Variants in DNAJC21 observed in about 807,000 individuals in gnomAD.
The protein encoded by DNAJC21 is dnaJ homolog subfamily C member 21.
Under a neutral mutation model 72.4 loss-of-function variants are expected in DNAJC21, and 63 were observed. That is an observed-to-expected ratio of 0.87 (90% CI 0.71 to 1.07). The LOEUF (loss-of-function observed/expected upper bound fraction) is 1.07, where lower values mean the gene tolerates loss of function less well. Ranked by LOEUF, DNAJC21 falls within the 50% of genes least tolerant of loss-of-function variation. The pLI is 0.00. For missense variants in DNAJC21, 634 were observed against 644.8 expected, an observed-to-expected ratio of 0.98 and a Z score of 0.18; for synonymous variants, 203 against 216.7, an observed-to-expected ratio of 0.94 and a Z score of 0.56.
rs888250694 is a variant in DNAJC21 at position 34,936,242 on chromosome 5, A to G, written c.414A>G (p.Gly138=). 3.0e-5 allele frequency: 49 copies of G among 1,613,480 alleles called. No homozygotes were observed. Among genetic ancestry groups the G allele is most frequent in the Non-Finnish European group, 3.7e-5 (44 of 1,179,916 alleles). ...EEEVDDFPTF[G]DSQSDYDTVV... is the part of the protein sequence containing the mutation. ...AGGTTGATGATTTCCCAACTTTTGG[A>G]GACTCCCAGAGTGACTATGATACGG... Residue 138 remains glycine (G), a synonymous_variant, in exon 4 of 12, where the codon GGA becomes GGG. Transcript: ENST00000648817.
intron 7 of DNAJC21, among the ~76,000 whole-genome samples, chr5:34,941,918 A>G (rs973920005): frequency 1.3e-5 from 2 of 151,474 alleles, no homozygotes; most frequent in African/African-American, 4.9e-5. Flanking sequence ...TCTAAAAACA[A>G]TGTGCTTGTA....
intron 10 of DNAJC21, chr5:34,951,536 T>G (rs569696155): frequency 2.0e-6 from 2 of 985,032 alleles, no homozygotes; most frequent in South Asian, 9.4e-5. Context: ...TTCTTTTTTT[T>G]TTTTTTTTGG....
In DNAJC21 at chr5:34,937,460, T is replaced by A. The variant is rs200868877; in HGVS notation, c.573T>A (p.Ile191=). 1.1e-5 allele frequency: 17 copies of A among 1,614,004 alleles called. No individual in the cohort carries two copies. The highest frequency in any genetic ancestry group is 1.7e-5 in the Admixed American group (1 of 60,000). The change falls in exon 5 of 12, where the codon ATT becomes ATA. Residue 191 remains isoleucine, a synonymous_variant. Coordinates refer to ENST00000648817, the MANE Select transcript of DNAJC21 (RefSeq NM_001012339.3). ...CCATGGAAAAAGAAAACAAAAAGAT[T>A]CGGGACAAAGCAAGGAAAGAGAAGA... ...KRAMEKENKK[I]RDKARKEKNE...
At chr5:34,940,668 C>G (rs894241346) in intron 6 of DNAJC21, among the ~76,000 whole-genome samples, 1 of 150,912 alleles carries the variant, frequency 6.6e-6, no homozygotes, top group South Asian at 2.1e-4. Flanking sequence ...ATCCGTCTTA[C>G]AGTGATGGAA....
At chr5:34,931,200 G>C (rs1489733865) in intron 1 of DNAJC21, among the ~76,000 whole-genome samples, 1 of 152,136 alleles carries the variant, frequency 6.6e-6, no homozygotes, top group African/African-American at 2.4e-5. Flanking sequence ...AGAGATAGAG[G>C]TGTGGGTCTG....
chr5:34,951,847 T>C (rs1765377556), intron 10 of DNAJC21: 1 of 985,502 alleles, frequency 1.0e-6, no homozygotes, highest in Non-Finnish European at 1.2e-6. Flanking sequence ...TACATGAGAA[T>C]TGATCTGGGG....
intron 9 of DNAJC21, chr5:34,949,829 A>T (rs934259273): frequency 7.2e-7 from 1 of 1,396,618 alleles, no homozygotes; most frequent in African/African-American, 1.4e-5. Flanking sequence ...GAGATTACTT[A>T]ATAAAGAATT....
chr5:34,932,784 G>A (rs1764645511), intron 1 of DNAJC21, among the ~76,000 whole-genome samples: 1 of 152,236 alleles, frequency 6.6e-6, no homozygotes, highest in Non-Finnish European at 1.5e-5. Flanking sequence ...TCCATAGGCA[G>A]CCTGAGTTGC....
Position 34,957,301 on chromosome 5 carries a change from G to A in DNAJC21, c.*2587G>A, listed in dbSNP as rs563912046. On this transcript the variant is annotated 3_prime_UTR_variant, in exon 12 of 12. Coordinates refer to ENST00000648817, the MANE Select transcript of DNAJC21 (RefSeq NM_001012339.3). Reference sequence around the variant, plus strand: ...CAGATGTGGAGATTCATAGAATGAGGGTCCAGGAGAAGAAAGTTAGGGGAA... The same window carrying A: ...CAGATGTGGAGATTCATAGAATGAGAGTCCAGGAGAAGAAAGTTAGGGGAA... 1 of 152,128 alleles carries A rather than the reference G, an allele frequency of 6.6e-6. No homozygotes were observed. Among genetic ancestry groups the A allele is most frequent in the Non-Finnish European group, 1.5e-5 (1 of 68,046 alleles). 9.4% of individuals were successfully genotyped at this position (152,128 alleles called of 1,614,324 possible).
chr5:34,938,297 A>C (rs1470032104), intron 5 of DNAJC21, among the ~76,000 whole-genome samples: 1 of 152,200 alleles, frequency 6.6e-6, no homozygotes, highest in East Asian at 1.9e-4. Context: ...CTGAGGAAAC[A>C]AGGCTGACAG....
At chr5:34,939,727 G>GT (rs147718625) in intron 6 of DNAJC21, among the ~76,000 whole-genome samples, 4,927 of 147,376 alleles carry the variant, frequency 0.033, 93 homozygotes, top group Middle Eastern at 0.07. Context: ...CCAAAATGTT[G>GT]TTTTTTTTTT....
chr5:34,935,752 T>C lies in DNAJC21; in HGVS notation c.234T>C (p.Asp78=). ...AGGCCCTACTTAAAGGTGGGTTTGA[T>C]GGCGAATATCAAGATGACAGCTTAG... ...HREALLKGGF[D]GEYQDDSLDL... is the part of the protein sequence containing the mutation. Residue 78 remains aspartate (D), a synonymous_variant, in exon 3 of 12, where the codon GAT becomes GAC. Transcript: ENST00000648817. 2.5e-6 allele frequency: 4 copies of C among 1,614,050 alleles called. No individual in the cohort carries two copies. The highest frequency in any genetic ancestry group is 3.4e-6 in the Non-Finnish European group (4 of 1,179,964).
At chr5:34,930,181 T>G in intron 1 of DNAJC21, 3 of 253,634 alleles carry the variant, frequency 1.2e-5, no homozygotes, top group East Asian at 6.9e-5. Context: ...AAAACTGCAG[T>G]CCAACAACCT....
At chr5:34,949,767 C>T (rs1765298287) in intron 9 of DNAJC21, 1 of 1,553,040 alleles carries the variant, frequency 6.4e-7, no homozygotes. Context: ...AATAGTTGCT[C>T]ATTGCTTATC....
intron 10 of DNAJC21, chr5:34,951,601 C>T: frequency 1.0e-6 from 1 of 965,930 alleles, no homozygotes; most frequent in Non-Finnish European, 1.2e-6. Flanking sequence ...AACCTCGGCT[C>T]ACTGCAACCT....
At chr5:34,951,771 G>T (rs1042665648) in intron 10 of DNAJC21, 4 of 978,952 alleles carry the variant, frequency 4.1e-6, no homozygotes, top group South Asian at 9.5e-5. Flanking sequence ...TGATCTGCCC[G>T]CCTTGGCCTA....
rs148089128 is a variant in DNAJC21 at position 34,930,188 on chromosome 5, A to G, written c.97+272A>G. On this transcript the variant is annotated intron_variant, in intron 1 of 11. Transcript: ENST00000648817. Reference sequence around the variant, plus strand: ...GTAGGGGGAAAACTGCAGTCCAACAACCTCACTTGCTCCCGCTACCGGGTC... The same window carrying G: ...GTAGGGGGAAAACTGCAGTCCAACAGCCTCACTTGCTCCCGCTACCGGGTC... 1.3e-3 allele frequency: 318 copies of G among 239,384 alleles called. 2 individuals are homozygous for G. The highest frequency in any genetic ancestry group is 6.9e-3 in the African/African-American group (304 of 43,760). The allele number at this position is 239,384 out of a possible 1,614,324, so 14.8% of individuals were successfully genotyped here. A position where few individuals can be genotyped will look rare whatever the true frequency, so the allele number is the denominator to read the frequency against.
chr5:34,954,432 C>T, intron 11 of DNAJC21, 121 bp from the exon 12 acceptor site: 2 of 1,196,182 alleles, frequency 1.7e-6, no homozygotes, highest in South Asian at 1.7e-5. Context: ...TATTACCTGT[C>T]CACTCTGTTA....
At chr5:34,931,138 A>T (rs1224780445) in intron 1 of DNAJC21, among the ~76,000 whole-genome samples, 1 of 152,172 alleles carries the variant, frequency 6.6e-6, no homozygotes, top group African/African-American at 2.4e-5. Flanking sequence ...GAGGAGTGGA[A>T]GGAAAGGTCA....
Sources: allele counts gnomAD v4.1 joint callset (sites outside exome capture counted in the v4.1 genomes callset), GRCh38; gene constraint gnomAD v4.1.1; transcripts MANE v1.5; gene names NCBI Gene and HGNC (gene_info 2026-07-23, HGNC 2026-07-21).